Variants in CCDC167 observed in about 807,000 individuals in gnomAD.
CCDC167 encodes the protein coiled-coil domain containing 167, also known as coiled-coil domain-containing protein 167.
In CCDC167, 15 loss-of-function variants were observed where a neutral mutation model predicts 12.7. The ratio of observed to expected loss-of-function variants is 1.18; its 90% confidence interval spans 0.79 to 1.81. CCDC167 has a LOEUF of 1.81. CCDC167 is among the 40% of genes most tolerant of loss of function. The pLI, the probability that CCDC167 is intolerant of heterozygous loss-of-function variation, is 0.00. For missense variants in CCDC167, 121 were observed against 120.1 expected (o/e 1.01, Z -0.03); for synonymous variants, 52 against 49.0 (o/e 1.06, Z -0.26).
chr6:37,496,433 A>AAAAAT (rs537650077), intron 1 of CCDC167, among the ~76,000 whole-genome samples: 8 of 152,198 alleles, frequency 5.3e-5, no homozygotes, highest in South Asian at 4.1e-4. Flanking sequence ...GACCCTGTCT[A>AAAAAT]AAAATAAAAT....
intron 1 of CCDC167, among the ~76,000 whole-genome samples, chr6:37,491,455 T>C (rs1762021085): frequency 6.6e-6 from 1 of 152,184 alleles, no homozygotes; most frequent in Non-Finnish European, 1.5e-5. Context: ...AGGAAGCTGT[T>C]TGCTGTCTCT....
chr6:37,490,000 C>T (rs1485464101), intron 1 of CCDC167, among the ~76,000 whole-genome samples: 1 of 152,238 alleles, frequency 6.6e-6, no homozygotes, highest in Non-Finnish European at 1.5e-5. Context: ...TATATTTACA[C>T]TCAGAAAACC....
intron 1 of CCDC167, among the ~76,000 whole-genome samples, chr6:37,488,346 G>A (rs1214911211): frequency 6.6e-6 from 1 of 152,194 alleles, no homozygotes; most frequent in Non-Finnish European, 1.5e-5. Flanking sequence ...GGTCTTAAAG[G>A]AAGTCCCGAC....
chr6:37,498,233 T>C (rs1225849346), intron 1 of CCDC167, among the ~76,000 whole-genome samples: 1 of 152,128 alleles, frequency 6.6e-6, no homozygotes, highest in African/African-American at 2.4e-5. Flanking sequence ...TATCTGACCA[T>C]TTGCAGACAT....
intron 1 of CCDC167, among the ~76,000 whole-genome samples, chr6:37,496,425 C>A (rs931686373): frequency 5.3e-5 from 8 of 151,936 alleles, no homozygotes; most frequent in Non-Finnish European, 1.2e-4. Context: ...CAGAGCAAGA[C>A]CCTGTCTAAA....
chr6:37,493,907 T>C (rs945495926), intron 1 of CCDC167, among the ~76,000 whole-genome samples: 13 of 152,218 alleles, frequency 8.5e-5, no homozygotes, highest in African/African-American at 2.9e-4. Flanking sequence ...TCAGCCACAC[T>C]TGGTGCTTCT....
chr6:37,485,377 G>A (rs573237304), intron 1 of CCDC167, among the ~76,000 whole-genome samples, 183 bp from the exon 2 acceptor site: 2 of 152,282 alleles, frequency 1.3e-5, no homozygotes, highest in African/African-American at 4.8e-5. Flanking sequence ...CTGCCTCCAC[G>A]TGGTTCAGCT....
At chr6:37,486,336 C>T (rs753790705) in intron 1 of CCDC167, among the ~76,000 whole-genome samples, 1 of 152,234 alleles carries the variant, frequency 6.6e-6, no homozygotes, top group South Asian at 2.1e-4. Flanking sequence ...CCATTCGCTT[C>T]TGGAGTTAGC....
At chr6:37,488,416 C>G (rs879395187) in intron 1 of CCDC167, among the ~76,000 whole-genome samples, 1 of 152,188 alleles carries the variant, frequency 6.6e-6, no homozygotes, top group Admixed American at 6.5e-5. Context: ...GCAGACGACC[C>G]GAGGCAAATG....
In CCDC167 at chr6:37,484,815, T is replaced by A. The variant is rs142979476; in HGVS notation, c.185A>T (p.Asn62Ile). The A allele has an allele frequency of 1.2e-6, 2 of 1,614,260 alleles. No homozygotes were observed. The highest frequency in any genetic ancestry group is 8.5e-7 in the Non-Finnish European group (1 of 1,180,042). The change falls in exon 3 of 4, where the codon AAC becomes ATC. Residue 62 changes from asparagine to isoleucine, a missense_variant. By Grantham distance (149) the Asn-to-Ile change is moderately radical. Coordinates refer to ENST00000373408, the MANE Select transcript of CCDC167 (RefSeq NM_138493.3). ...ACTGAAAGGAACTTTCTTACCGTAG[T>A]TGGAGGCTTTGTTCATTAGGCTGTT... ...EKNSLMNKASNYEKELKFLRQ... is the reference protein window; with the variant it reads ...EKNSLMNKASIYEKELKFLRQ...
chr6:37,484,233 C>T (rs1423245129), intron 3 of CCDC167, among the ~76,000 whole-genome samples: 2 of 152,190 alleles, frequency 1.3e-5, no homozygotes, highest in African/African-American at 4.8e-5. Flanking sequence ...CAGGGGAGAA[C>T]AGAACCGACA....
rs140297514 is a variant in CCDC167, at chr6:37,490,884, C to G, written c.43-5690G>C. On this transcript the variant is annotated intron_variant, in intron 1 of 3. Coordinates refer to ENST00000373408, the MANE Select transcript of CCDC167 (RefSeq NM_138493.3). ...CAGATGCAGCTCCAAGCACCCGGGC[C>G]TGGAGTTCAGCAGCCCCCAGGCAGA... is the stretch of plus-strand genomic sequence containing the variant. 1.4e-3 allele frequency among the ~76,000 whole-genome samples: 207 copies of G among 152,274 alleles called. 1 individual carries two copies. Among genetic ancestry groups the G allele is most frequent in the African/African-American group, 4.8e-3 (201 of 41,558 alleles).
At chr6:37,484,547 C>T (rs950905663) in intron 3 of CCDC167, among the ~76,000 whole-genome samples, 5 of 152,190 alleles carry the variant, frequency 3.3e-5, no homozygotes, top group African/African-American at 1.2e-4. Flanking sequence ...TGATTGTCTC[C>T]TAGACCTGGC....
At chr6:37,487,134 T>C (rs1489432738) in intron 1 of CCDC167, among the ~76,000 whole-genome samples, 3 of 152,108 alleles carry the variant, frequency 2.0e-5, no homozygotes, top group Non-Finnish European at 4.4e-5. Context: ...AACTTTATCT[T>C]CCCAAACTCT....
Position 37,483,195 on chromosome 6 carries a change from C to T in CCDC167, c.285G>A (p.Trp95Ter), listed in dbSNP as rs573565030. Reference protein sequence around the residue: ...FILLTLVYAYWTM With the variant: ...FILLTLVYAY ...TGGGGAAGTGCCAGGCTCACATGGT[C>T]CAGTAGGCATAGACGAGCGTCAGGA... is the stretch of plus-strand genomic sequence containing the variant. Residue 95 changes from tryptophan (W) to a stop codon, truncating the protein, a stop_gained, in exon 4 of 4, where the codon TGG becomes TGA. Coordinates refer to ENST00000373408, the MANE Select transcript of CCDC167 (RefSeq NM_138493.3). LOFTEE classifies it high-confidence loss of function. The T allele has an allele frequency of 1.4e-5, 23 of 1,613,086 alleles. No individual in the cohort carries two copies. Among genetic ancestry groups the T allele is most frequent in the Non-Finnish European group, 2.0e-5 (23 of 1,179,166 alleles).
intron 1 of CCDC167, among the ~76,000 whole-genome samples, chr6:37,485,588 C>T (rs190599879): frequency 8.5e-5 from 13 of 152,376 alleles, no homozygotes; most frequent in African/African-American, 2.4e-4. Context: ...ACGGCATGCA[C>T]CTGCCCCACG....
At chr6:37,497,426 G>A (rs1387984018) in intron 1 of CCDC167, among the ~76,000 whole-genome samples, 2 of 151,796 alleles carry the variant, frequency 1.3e-5, no homozygotes, top group African/African-American at 4.8e-5. Context: ...GTTACATCAT[G>A]AGTTATATCA....
In CCDC167 at chr6:37,499,805, C is replaced by T; in HGVS notation, c.42+17G>A. 1 of 1,613,862 alleles carries T rather than the reference C, an allele frequency of 6.2e-7. No individual in the cohort carries two copies. Among genetic ancestry groups the T allele is most frequent in the Non-Finnish European group, 8.5e-7 (1 of 1,179,830 alleles). On this transcript the variant is annotated intron_variant, in intron 1 of 3. Coordinates refer to ENST00000373408, the MANE Select transcript of CCDC167 (RefSeq NM_138493.3). ...AGGCAACTAACGAGGTGGCCCAACC[C>T]CCACTTTTCCCCTCACCTCTAGAGC...
At chr6:37,488,444 T>G (rs184312779) in intron 1 of CCDC167, among the ~76,000 whole-genome samples, 2 of 152,250 alleles carry the variant, frequency 1.3e-5, no homozygotes, top group African/African-American at 2.4e-5. Context: ...GTTGGTTAGC[T>G]CTCTCCTTGC....
Sources: gnomAD v4.1 joint callset for allele counts (sites outside exome capture counted in the v4.1 genomes callset) on GRCh38, gnomAD v4.1.1 for gene constraint, MANE v1.5 for transcripts, NCBI Gene and HGNC (gene_info 2026-07-23, HGNC 2026-07-21) for gene names.